The following C1QL1 variants were observed in gnomAD, a reference collection of about 807,000 sequenced individuals.
C1QL1 encodes complement C1q like 1.
A neutral mutation model predicts 14.2 loss-of-function variants in C1QL1; 15 were observed. The ratio of observed to expected loss-of-function variants is 1.06; its 90% CI spans 0.71 to 1.62. C1QL1 has a LOEUF of 1.62. Ranked by LOEUF, C1QL1 falls within the 40% of genes most tolerant of loss-of-function variation. C1QL1 has a pLI of 0.00. For synonymous variants in C1QL1, 172 were observed against 172.4 expected, an observed-to-expected ratio of 1.00 and a Z score of 0.02; for missense variants, 346 against 380.3, an observed-to-expected ratio of 0.91 and a Z score of 0.75.
intron 1 of C1QL1, among the ~76,000 whole-genome samples, chr17:44,965,544 G>T (rs1269669813): frequency 6.6e-6 from 1 of 152,112 alleles, no homozygotes; most frequent in Non-Finnish European, 1.5e-5. Flanking sequence ...TTTCCTACTA[G>T]CCTGTGGTCC....
In C1QL1 at chr17:44,960,254, G is replaced by A; in HGVS notation, c.711C>T (p.Gly237=). Residue 237 remains glycine, a synonymous_variant, in exon 2 of 2, where the codon GGC becomes GGT. Coordinates refer to ENST00000253407, the MANE Select transcript of C1QL1 (RefSeq NM_006688.5). ...GDEVFIKLDG[G]KAHGGNSNKY... Reference sequence around the variant, plus strand: ...TGTTGCTGTTGCCGCCGTGTGCTTTGCCTCCATCCAGCTTGATGAAGACCT... The same window carrying A: ...TGTTGCTGTTGCCGCCGTGTGCTTTACCTCCATCCAGCTTGATGAAGACCT... 6.2e-7 allele frequency: 1 copy of A among 1,614,168 alleles called. No homozygotes were observed. Among genetic ancestry groups the A allele is most frequent in the East Asian group, 2.2e-5 (1 of 44,866 alleles).
chr17:44,961,055 T>C (rs2052624829), intron 1 of C1QL1, among the ~76,000 whole-genome samples: 2 of 152,172 alleles, frequency 1.3e-5, no homozygotes, highest in Admixed American at 1.3e-4. Context: ...TACCTGTCAC[T>C]ACCCACCCAA....
In C1QL1 at chr17:44,967,926, G is replaced by T. The variant is rs756681347; in HGVS notation, c.123C>A (p.Gly41=). The change falls in exon 1 of 2, where the codon GGC becomes GGA. Residue 41 remains glycine (G), a synonymous_variant. Transcript: ENST00000253407. The surrounding 1 kb of genome is among the most constrained non-coding windows in gnomAD (Gnocchi z 7.0). ...VCDPYPARGP[G]AGARTDGGDA... ...CGCCGCCGTCGGTCCGCGCGCCGGC[G>T]CCGGGGCCCCGCGCGGGGTAGGGGT... is the stretch of plus-strand genomic sequence containing the variant. 4.7e-6 allele frequency: 6 copies of T among 1,271,324 alleles called. No homozygotes were observed. Among genetic ancestry groups the T allele is most frequent in the South Asian group, 3.2e-5 (1 of 31,494 alleles). 78.8% of individuals were successfully genotyped at this position (1,271,324 alleles called of 1,614,324 possible).
rs755038266 is a variant in C1QL1, at chr17:44,967,935, C to A, written c.114G>T (p.Arg38=). The A allele has an allele frequency of 1.6e-6, 2 of 1,285,058 alleles. No individual in the cohort carries two copies. The highest frequency in any genetic ancestry group is 3.1e-5 in the African/African-American group (2 of 64,944). The allele number at this position is 1,285,058 out of a possible 1,614,324, so 79.6% of individuals were successfully genotyped here. A position where few individuals can be genotyped will look rare whatever the true frequency, so the allele number is the denominator to read the frequency against. Residue 38 remains arginine (R), a synonymous_variant, in exon 1 of 2, where the codon CGG becomes CGT. Coordinates refer to ENST00000253407, the MANE Select transcript of C1QL1 (RefSeq NM_006688.5). This position sits in a 1 kb window ranked among gnomAD's most constrained non-coding sequence, Gnocchi z 7.0. ...CRMVCDPYPA[R]GPGAGARTDG... ...CGGTCCGCGCGCCGGCGCCGGGGCC[C>A]CGCGCGGGGTAGGGGTCGCACACCA...
chr17:44,968,173 C>A lies in C1QL1; in HGVS notation c.-125G>T. 2.7e-6 allele frequency: 1 copy of A among 366,548 alleles called. No homozygotes were observed. The highest frequency in any genetic ancestry group is 1.1e-4 in the South Asian group (1 of 8,814). 22.7% of individuals were successfully genotyped at this position (366,548 alleles called of 1,614,324 possible). Reference sequence around the variant, plus strand: ...GGGCAGGGGGCGCGGGCTAGGCGCCCGCGCTCAAGGACGGTCCGGCGGGGC... The same window carrying A: ...GGGCAGGGGGCGCGGGCTAGGCGCCAGCGCTCAAGGACGGTCCGGCGGGGC... On this transcript the variant is annotated 5_prime_UTR_variant, in exon 1 of 2. Transcript: ENST00000253407.
chr17:44,968,086 C>T lies in C1QL1; in HGVS notation c.-38G>A. On this transcript the variant is annotated 5_prime_UTR_variant, in exon 1 of 2. Coordinates refer to ENST00000253407, the MANE Select transcript of C1QL1 (RefSeq NM_006688.5). ...GGCGGCCGCTAGCAGCGTCTTTCGG[C>T]CCGCGCGGAGCCTGGGGAGCGCCGG... 2 of 1,246,718 alleles carry T rather than the reference C, an allele frequency of 1.6e-6. No homozygotes were observed. Among genetic ancestry groups the T allele is most frequent in the Non-Finnish European group, 2.0e-6 (2 of 989,292 alleles). 77.2% of individuals were successfully genotyped at this position (1,246,718 alleles called of 1,614,324 possible).
chr17:44,966,976 A>C (rs1206392498), intron 1 of C1QL1, among the ~76,000 whole-genome samples: 1 of 152,180 alleles, frequency 6.6e-6, no homozygotes, highest in Admixed American at 6.5e-5. Flanking sequence ...TTTGTGCCCC[A>C]AACATTTCCT....
intron 1 of C1QL1, among the ~76,000 whole-genome samples, chr17:44,961,884 C>A (rs1361379933): frequency 2.2e-5 from 3 of 134,228 alleles, no homozygotes; most frequent in Admixed American, 7.7e-5. Flanking sequence ...CAGAGCGAGA[C>A]TCCGTCTCAA....
At chr17:44,960,445 G>A in intron 1 of C1QL1, 78 bp from the exon 2 acceptor site, 5 of 1,033,764 alleles carry the variant, frequency 4.8e-6, no homozygotes, top group Non-Finnish European at 7.4e-6. Flanking sequence ...AGTCCCGTGG[G>A]GGAGGATCAG....
rs745832942 is a variant in C1QL1, at chr17:44,968,089, G to A, written c.-41C>T. On this transcript the variant is annotated 5_prime_UTR_variant, in exon 1 of 2. Coordinates refer to ENST00000253407, the MANE Select transcript of C1QL1 (RefSeq NM_006688.5). ...GGCCGCTAGCAGCGTCTTTCGGCCC[G>A]CGCGGAGCCTGGGGAGCGCCGGGCC... is the stretch of plus-strand genomic sequence containing the variant. The A allele has an allele frequency of 1.6e-6, 2 of 1,235,130 alleles. No homozygotes were observed. Among genetic ancestry groups the A allele is most frequent in the Admixed American group, 3.4e-5 (1 of 29,508 alleles). The allele number at this position is 1,235,130 out of a possible 1,614,324, so 76.5% of individuals were successfully genotyped here.
intron 1 of C1QL1, among the ~76,000 whole-genome samples, chr17:44,964,299 C>T (rs1284179882): frequency 6.6e-6 from 1 of 152,252 alleles, no homozygotes; most frequent in African/African-American, 2.4e-5. Context: ...ACAAGAGATA[C>T]AAGCTTCTCT....
intron 1 of C1QL1, among the ~76,000 whole-genome samples, chr17:44,964,071 G>C (rs1010074834): frequency 3.9e-5 from 6 of 152,292 alleles, no homozygotes; most frequent in Non-Finnish European, 8.8e-5. Context: ...CTGATGCAAG[G>C]CTACCCCTAA....
In C1QL1 at chr17:44,967,733, C is replaced by T; in HGVS notation, c.316G>A (p.Gly106Ser). ...CCCGCGCCCGGCAGCCCCGGAGGGC[C>T]CGGCTTGCCTGGCTCACCCTTCTCC... ...PGEKGEPGKP[G>S]PPGLPGAGGS... Residue 106 changes from glycine (G) to serine (S), a missense_variant, in exon 1 of 2, where the codon GGC becomes AGC. Transcript: ENST00000253407. The surrounding 1 kb of genome is among the most constrained non-coding windows in gnomAD (Gnocchi z 7.0). 1.9e-6 allele frequency: 3 copies of T among 1,603,272 alleles called. No homozygotes were observed. Among genetic ancestry groups the T allele is most frequent in the Non-Finnish European group, 2.5e-6 (3 of 1,176,914 alleles).
At chr17:44,961,153 G>A (rs2052625172) in intron 1 of C1QL1, among the ~76,000 whole-genome samples, 1 of 152,174 alleles carries the variant, frequency 6.6e-6, no homozygotes, top group South Asian at 2.1e-4. Flanking sequence ...CTTCCCTCTG[G>A]GATTCTCAGT....
At chr17:44,964,965 T>C (rs8080524) in intron 1 of C1QL1, among the ~76,000 whole-genome samples, 95,406 of 151,706 alleles carry the variant, frequency 0.63, 31,920 homozygotes, top group African/African-American at 0.88. Context: ...CTCAGCCTCC[T>C]GACTAACTGG....
intron 1 of C1QL1, 92 bp from the exon 2 acceptor site, chr17:44,960,459 A>T: frequency 1.2e-6 from 1 of 808,460 alleles, no homozygotes. Context: ...GGATCAGCAG[A>T]CCCAGAAACC....
intron 1 of C1QL1, among the ~76,000 whole-genome samples, chr17:44,966,652 G>T (rs1411921762): frequency 6.6e-6 from 1 of 152,174 alleles, no homozygotes. Context: ...TCCAGCTGCA[G>T]CGTCTGAGAT....
chr17:44,967,548 C>T lies in C1QL1; in HGVS notation c.501G>A (p.Thr167=), dbSNP rs974082083. Residue 167 remains threonine (T), a synonymous_variant, in exon 1 of 2, where the codon ACG becomes ACA. Transcript: ENST00000253407. This position sits in a 1 kb window ranked among gnomAD's most constrained non-coding sequence, Gnocchi z 7.0. ...AAAAGTAGGTGCCGGGAATGTTGCA[C>T]GTAAACTTGCCGCTGGCCGCGTCGT... ...NNYDAASGKF[T]CNIPGTYFFT... 3.1e-6 allele frequency: 5 copies of T among 1,614,008 alleles called. No individual in the cohort carries two copies. Among genetic ancestry groups the T allele is most frequent in the African/African-American group, 2.7e-5 (2 of 74,932 alleles).
Position 44,967,470 on chromosome 17 carries a change from G to A in C1QL1, c.579C>T (p.Asp193=). The part of the protein sequence containing the change: ...RGGDGTSMWA[D]LCKNGQVRAS... ...GGCCCACCTGGCCATTCTTGCAGAG[G>A]TCTGCCCACATACTGGTGCCGTCGC... is the stretch of plus-strand genomic sequence containing the variant. Residue 193 remains aspartate, a synonymous_variant, in exon 1 of 2, where the codon GAC becomes GAT. Transcript: ENST00000253407. This position sits in a 1 kb window ranked among gnomAD's most constrained non-coding sequence, Gnocchi z 7.0. 5 of 1,613,826 alleles carry A rather than the reference G, an allele frequency of 3.1e-6. No homozygotes were observed. Among genetic ancestry groups the A allele is most frequent in the Non-Finnish European group, 4.2e-6 (5 of 1,179,862 alleles).
Sources: allele counts gnomAD v4.1 joint callset (sites outside exome capture counted in the v4.1 genomes callset), GRCh38; gene constraint gnomAD v4.1.1; non-coding constraint Gnocchi (gnomAD v3.1); transcripts MANE v1.5; gene names NCBI Gene and HGNC (gene_info 2026-07-23, HGNC 2026-07-21).